The following MYH7B variants were observed in gnomAD, a reference collection of about 807,000 sequenced individuals.
The protein encoded by MYH7B is myosin heavy chain 7B.
Under a neutral mutation model 234.5 loss-of-function variants are expected in MYH7B, and 205 were observed. That is an observed-to-expected ratio of 0.87 (90% CI 0.78 to 0.98). MYH7B has a LOEUF of 0.98. Among genes scored for constraint, MYH7B ranks in the 50% least tolerant of loss-of-function variants. The pLI is 0.00. For synonymous variants in MYH7B, 1,193 were observed against 1,105.0 expected (o/e 1.08, Z -1.58); for missense variants, 2,652 against 2,633.4 (o/e 1.01, Z -0.15).
At chr20:34,990,949 CT>C in intron 23 of MYH7B, 54 bp from the exon 24 acceptor site, 1 of 1,572,108 alleles carries the variant, frequency 6.4e-7, no homozygotes, top group Non-Finnish European at 8.7e-7. Flanking sequence ...TGCTTTTTCT[CT>C]GGGGCCTGCG....
At chr20:34,993,069 C>T in intron 24 of MYH7B, 33 bp from the exon 25 acceptor site, 1 of 1,597,892 alleles carries the variant, frequency 6.3e-7, no homozygotes, top group Admixed American at 1.7e-5. Context: ...CATACCCAGC[C>T]CTCTCCTGAC....
At chr20:34,979,682 G>A (rs1569034840) in exon 7 of MYH7B, 1 of 1,614,148 alleles carries the variant, frequency 6.2e-7, no homozygotes, top group Admixed American at 1.7e-5. Flanking sequence ...GCGTGAAGCC[G>A]AGCTGCAGCC....
rs1318304998 is a variant in MYH7B at position 34,982,434 on chromosome 20, G to A, written c.528-25G>A. 11 of 1,609,944 alleles carry A rather than the reference G, an allele frequency of 6.8e-6. No individual in the cohort carries two copies. The East Asian group carries it at 1.3e-4, about 20-fold the overall frequency. On this transcript the variant is annotated intron_variant, in intron 9 of 44. Transcript: ENST00000262873. Reference sequence around the variant, plus strand: ...GGAGAATTAGGCCAGATGGGCATTGGTGACTCATGTTTGTGTCGTCCAAGC... The same window carrying A: ...GGAGAATTAGGCCAGATGGGCATTGATGACTCATGTTTGTGTCGTCCAAGC...
exon 19 of MYH7B, chr20:34,988,212 TTCA>T (rs1187882648): frequency 1.9e-6 from 3 of 1,614,038 alleles, no homozygotes; most frequent in Non-Finnish European, 2.5e-6. Context: ...CGACTGGGTC[TTCA>T]TCGACTTCGG....
exon 41 of MYH7B, chr20:35,001,001 C>T (rs1247760089): frequency 6.2e-6 from 10 of 1,613,750 alleles, no homozygotes; most frequent in South Asian, 4.4e-5. Flanking sequence ...GCCATGATGG[C>T]CGAGGAGCTG....
At chr20:35,001,879 A>G in intron 43 of MYH7B, 69 bp from the exon 44 acceptor site, 1 of 1,558,150 alleles carries the variant, frequency 6.4e-7, no homozygotes, top group Non-Finnish European at 8.7e-7. Context: ...CCCTTCTTGG[A>G]CTGGGGCAGG....
chr20:34,980,470 G>A (rs1456004938), intron 7 of MYH7B, 108 bp from the exon 8 acceptor site: 5 of 977,452 alleles, frequency 5.1e-6, no homozygotes, highest in South Asian at 4.4e-5. Context: ...CCCAGGAGGC[G>A]GAGGTTGCGG....
In MYH7B at chr20:34,990,399, G is replaced by A. The variant is rs140486571; in HGVS notation, c.1977+89G>A. ...CTGCCCTGTCCCCTGTGCCTTGGGC[G>A]GGCGGCTGTTAAGACTTGCAGTGAT... is the stretch of plus-strand genomic sequence containing the variant. On this transcript the variant is annotated intron_variant, in intron 22 of 44. Coordinates refer to ENST00000262873, the Ensembl canonical transcript of MYH7B. 5.0e-3 allele frequency: 7,156 copies of A among 1,436,784 alleles called. 25 individuals carry two copies. The highest frequency in any genetic ancestry group is 5.9e-3 in the Non-Finnish European group (6,039 of 1,018,648). The allele number at this position is 1,436,784 out of a possible 1,614,324, so 89.0% of individuals were successfully genotyped here.
intron 43 of MYH7B, 40 bp from the exon 44 acceptor site, chr20:35,001,908 A>G: frequency 1.3e-6 from 2 of 1,593,646 alleles, no homozygotes; most frequent in Non-Finnish European, 1.7e-6. Flanking sequence ...TAAGCATCTC[A>G]GTCACCCAAG....
At chr20:34,978,779 G>T (rs1299313078) in intron 5 of MYH7B, among the ~76,000 whole-genome samples, 3 of 152,286 alleles carry the variant, frequency 2.0e-5, no homozygotes, top group Middle Eastern at 3.4e-3. Flanking sequence ...TTGTACTGGG[G>T]TCTGTAGGTT....
At chr20:34,983,255 TTCTTTCTTTTC>T (rs2081964943) in intron 10 of MYH7B, among the ~76,000 whole-genome samples, 1 of 151,418 alleles carries the variant, frequency 6.6e-6, no homozygotes, top group Admixed American at 6.6e-5. Flanking sequence ...TTTTCTTTCT[TTCTTTCTTTTC>T]TCTTTCTTTT....
chr20:34,964,798 G>A (rs1005712548), intron 2 of MYH7B, among the ~76,000 whole-genome samples: 4 of 152,156 alleles, frequency 2.6e-5, no homozygotes, highest in African/African-American at 4.8e-5. Context: ...ATTGCCTAAG[G>A]ATGAGAGGTC....
intron 41 of MYH7B, 21 bp downstream of exon 41, chr20:35,001,179 C>A: frequency 6.2e-7 from 1 of 1,610,114 alleles, no homozygotes; most frequent in East Asian, 2.2e-5. Context: ...CCCCTCTAGT[C>A]CTTGGCGCAG....
chr20:34,997,023 G>GA, intron 30 of MYH7B, 60 bp from the exon 31 acceptor site: 4 of 1,518,670 alleles, frequency 2.6e-6, no homozygotes, highest in East Asian at 2.5e-5. Flanking sequence ...GCGTTATGGG[G>GA]TCCCAGGCGG....
intron 10 of MYH7B, among the ~76,000 whole-genome samples, chr20:34,984,442 C>T (rs1479765829): frequency 1.3e-5 from 2 of 152,078 alleles, no homozygotes; most frequent in South Asian, 2.1e-4. Flanking sequence ...GGCCAGAGGC[C>T]GGGCTGGGGC....
intron 2 of MYH7B, among the ~76,000 whole-genome samples, chr20:34,970,886 G>T (rs1044836077): frequency 2.0e-5 from 3 of 152,124 alleles, no homozygotes; most frequent in Non-Finnish European, 4.4e-5. Flanking sequence ...ATCAAATATC[G>T]ACAATACTCA....
chr20:34,995,293 C>G, intron 27 of MYH7B, 43 bp from the exon 28 acceptor site: 1 of 1,590,548 alleles, frequency 6.3e-7, no homozygotes, highest in East Asian at 2.2e-5. Flanking sequence ...TGCTGGTTTA[C>G]CTGGCCCTCC....
intron 13 of MYH7B, among the ~76,000 whole-genome samples, chr20:34,985,536 C>A (rs556647742): frequency 6.6e-6 from 1 of 151,942 alleles, no homozygotes; most frequent in East Asian, 1.9e-4. Flanking sequence ...CACAGCTACA[C>A]GTAGAGTGCC....
intron 3 of MYH7B, among the ~76,000 whole-genome samples, chr20:34,976,108 G>A (rs76191812): frequency 0.082 from 12,474 of 152,200 alleles, 594 homozygotes; most frequent in South Asian, 0.13. Context: ...CAAAGTGCAC[G>A]CACCTGTGTC....
Sources: allele counts gnomAD v4.1 joint callset (sites outside exome capture counted in the v4.1 genomes callset), GRCh38; gene constraint gnomAD v4.1.1; transcripts MANE v1.5; gene names NCBI Gene and HGNC (gene_info 2026-07-23, HGNC 2026-07-21).